Variants in MOCOS observed in about 807,000 individuals in gnomAD.
MOCOS encodes molybdenum cofactor sulfurase, also known as human molybdenum cofactor sulfurase.
Under a neutral mutation model 83.6 loss-of-function variants are expected in MOCOS, and 86 were observed. That is an observed-to-expected ratio of 1.03 (90% CI 0.86 to 1.23). The LOEUF (loss-of-function observed/expected upper bound fraction) is 1.23. Among genes scored for constraint, MOCOS ranks in the 50% most tolerant of loss-of-function variants. MOCOS has a pLI of 0.00. For synonymous variants in MOCOS, 445 were observed against 434.7 expected (o/e 1.02, Z -0.29); for missense variants, 1,120 against 1,126.9 (o/e 0.99, Z 0.09).
chr18:36,192,137 A>G (rs1466964773), intron 1 of MOCOS, among the ~76,000 whole-genome samples: 1 of 152,244 alleles, frequency 6.6e-6, no homozygotes. Flanking sequence ...AAAACAAAAT[A>G]GAAGGGATCC....
intron 1 of MOCOS, among the ~76,000 whole-genome samples, chr18:36,194,118 G>C (rs762266238): frequency 1.5e-4 from 23 of 152,184 alleles, no homozygotes; most frequent in Non-Finnish European, 2.9e-4. Flanking sequence ...GTAGATTAGT[G>C]GTTATCAAGG....
chr18:36,199,693 C>T lies in MOCOS; in HGVS notation c.310C>T (p.His104Tyr). The change falls in exon 4 of 15, where the codon CAC (histidine) becomes TAC (tyrosine). Residue 104 changes from histidine (H) to tyrosine (Y), a missense_variant. Coordinates refer to ENST00000261326, the MANE Select transcript of MOCOS (RefSeq NM_017947.4). Reference protein sequence around the residue: ...VEQVRYRILAHFHTTAEDYTV... With the variant: ...VEQVRYRILAYFHTTAEDYTV... ...CTGTGCTTCTTCCAGAATCCTGGCG[C>T]ACTTCCACACCACCGCAGAAGACTA... The T allele has an allele frequency of 1.9e-6, 3 of 1,613,634 alleles. No individual in the cohort carries two copies. The highest frequency in any genetic ancestry group is 1.7e-5 in the Admixed American group (1 of 60,014).
At chr18:36,205,407 T>G (rs562195854) in intron 6 of MOCOS, 131 bp downstream of exon 6, 10 of 914,496 alleles carry the variant, frequency 1.1e-5, no homozygotes, top group Admixed American at 3.9e-5. Context: ...CTTTCCACCT[T>G]CATTCACCCT....
chr18:36,213,492 G>T lies in MOCOS; in HGVS notation c.1335+10G>T. The T allele has an allele frequency of 6.2e-7, 1 of 1,607,378 alleles. No individual in the cohort carries two copies. ...CAGGAAGCATTTTCAGGTTGGTACA[G>T]GGCTCTGCGATCCAGACGCTGGTCA... On this transcript the variant is annotated intron_variant, in intron 7 of 14. Transcript: ENST00000261326.
intron 4 of MOCOS, among the ~76,000 whole-genome samples, chr18:36,200,633 C>CCAGGCCTCTGCCCT (rs1323033222): frequency 7.2e-5 from 11 of 152,210 alleles, no homozygotes; most frequent in Non-Finnish European, 1.5e-4. Flanking sequence ...GGGTGAGCTA[C>CCAGGCCTCTGCCCT]CAGGCCTCTG....
At chr18:36,257,431 G>A (rs1227959739) in intron 12 of MOCOS, among the ~76,000 whole-genome samples, 2 of 151,892 alleles carry the variant, frequency 1.3e-5, no homozygotes, top group African/African-American at 4.8e-5. Flanking sequence ...CCCTGTCCCC[G>A]AGGATCTCTG....
intron 2 of MOCOS, among the ~76,000 whole-genome samples, chr18:36,198,424 A>G (rs1872563707): frequency 6.6e-6 from 1 of 152,136 alleles, no homozygotes; most frequent in South Asian, 2.1e-4. Context: ...GATGTAGCAT[A>G]TTTTGTTTAT....
At chr18:36,236,044 T>G (rs1344906550) in intron 9 of MOCOS, among the ~76,000 whole-genome samples, 5 of 138,570 alleles carry the variant, frequency 3.6e-5, no homozygotes, top group African/African-American at 1.4e-4. Flanking sequence ...CTTTGTCAGA[T>G]GAGTAGGTTG....
At chr18:36,218,545 C>T (rs532912526) in intron 8 of MOCOS, among the ~76,000 whole-genome samples, 154 of 152,220 alleles carry the variant, frequency 1.0e-3, no homozygotes, top group African/African-American at 3.4e-3. Flanking sequence ...GATGGGATCT[C>T]ACTCTGTCTC....
At chr18:36,249,926 C>T (rs867872479) in intron 10 of MOCOS, among the ~76,000 whole-genome samples, 38 of 152,098 alleles carry the variant, frequency 2.5e-4, no homozygotes, top group Non-Finnish European at 5.9e-5. Context: ...GATAAATCAT[C>T]TACTGAATTC....
At chr18:36,212,346 G>T (rs116013718) in intron 6 of MOCOS, among the ~76,000 whole-genome samples, 3 of 152,162 alleles carry the variant, frequency 2.0e-5, no homozygotes, top group Non-Finnish European at 4.4e-5. Flanking sequence ...GAGTGGGTGA[G>T]GGGCAGCCAC....
intron 1 of MOCOS, among the ~76,000 whole-genome samples, chr18:36,190,566 T>G (rs1394052766): frequency 6.6e-6 from 1 of 151,936 alleles, no homozygotes; most frequent in Non-Finnish European, 1.5e-5. Flanking sequence ...CTGGGCAACA[T>G]GGTGAAACCC....
intron 9 of MOCOS, among the ~76,000 whole-genome samples, chr18:36,233,624 T>C (rs886466573): frequency 6.6e-6 from 1 of 152,246 alleles, no homozygotes; most frequent in Non-Finnish European, 1.5e-5. Context: ...TTGTTTTCCA[T>C]AGTGGTTTTA....
chr18:36,196,890 GA>G (rs774695449), intron 2 of MOCOS, among the ~76,000 whole-genome samples: 17 of 151,202 alleles, frequency 1.1e-4, no homozygotes, highest in Admixed American at 2.6e-4. Flanking sequence ...TATTTTGGAG[GA>G]AAAAAAAAGT....
At chr18:36,237,395 G>T (rs2091563531) in intron 9 of MOCOS, among the ~76,000 whole-genome samples, 1 of 152,254 alleles carries the variant, frequency 6.6e-6, no homozygotes, top group South Asian at 2.1e-4. Context: ...ATAATCATGT[G>T]GTTTTTGTCT....
intron 9 of MOCOS, among the ~76,000 whole-genome samples, chr18:36,244,352 T>A (rs1004101928): frequency 4.6e-5 from 7 of 152,178 alleles, no homozygotes; most frequent in Non-Finnish European, 8.8e-5. Flanking sequence ...AAGAATTTTT[T>A]AAATTCCATC....
intron 4 of MOCOS, among the ~76,000 whole-genome samples, chr18:36,202,306 C>CAGTT (rs1555651564): frequency 5.3e-5 from 8 of 152,346 alleles, no homozygotes; most frequent in African/African-American, 1.9e-4. Flanking sequence ...AATTGTCAAT[C>CAGTT]AATAACTGGC....
intron 2 of MOCOS, among the ~76,000 whole-genome samples, chr18:36,197,988 A>T (rs1362493460): frequency 6.6e-6 from 1 of 152,174 alleles, no homozygotes; most frequent in Non-Finnish European, 1.5e-5. Context: ...ATTTAATGTA[A>T]ATTGATTCAT....
At chr18:36,206,663 G>A (rs193030843) in intron 6 of MOCOS, among the ~76,000 whole-genome samples, 5 of 152,204 alleles carry the variant, frequency 3.3e-5, no homozygotes, top group East Asian at 1.9e-4. Context: ...AGTAGGCCCC[G>A]GTGGCCGTGG....
Sources: allele counts gnomAD v4.1 joint callset (sites outside exome capture counted in the v4.1 genomes callset), GRCh38; gene constraint gnomAD v4.1.1; transcripts MANE v1.5; gene names NCBI Gene and HGNC (gene_info 2026-07-23, HGNC 2026-07-21).